MSI2: variants seen among roughly 807,000 people sequenced by gnomAD.
MSI2 encodes RNA-binding protein Musashi homolog 2.
In MSI2, 17 loss-of-function variants were observed where a neutral mutation model predicts 45.6. That is an observed-to-expected ratio of 0.37 (90% confidence interval 0.26 to 0.56). The LOEUF (loss-of-function observed/expected upper bound fraction) is 0.56. MSI2 is among the 20% of genes least tolerant of loss of function. The pLI, the probability that MSI2 is intolerant of heterozygous loss-of-function variation, is 0.77. For missense variants in MSI2, 293 were observed against 444.2 expected (o/e 0.66, Z 3.06); for synonymous variants, 156 against 158.2 (o/e 0.99, Z 0.11).
intron 7 of MSI2, among the ~76,000 whole-genome samples, chr17:57,548,345 C>A (rs1240889770): frequency 6.6e-6 from 1 of 151,956 alleles, no homozygotes. Context: ...AAAAAAAAAT[C>A]AGATTTGTGT....
At chr17:57,432,768 C>T (rs1163906542) in intron 6 of MSI2, among the ~76,000 whole-genome samples, 3 of 152,210 alleles carry the variant, frequency 2.0e-5, no homozygotes, top group African/African-American at 7.2e-5. Context: ...TCTGACAGCT[C>T]TTCCTGACTC....
intron 6 of MSI2, among the ~76,000 whole-genome samples, chr17:57,404,449 TC>T (rs1438861902): frequency 6.6e-6 from 1 of 152,164 alleles, no homozygotes; most frequent in Non-Finnish European, 1.5e-5. Context: ...ATTGGTATCC[TC>T]CAGTCTATTT....
chr17:57,460,581 G>A (rs981429230), intron 6 of MSI2, among the ~76,000 whole-genome samples: 1 of 152,144 alleles, frequency 6.6e-6, no homozygotes, highest in Admixed American at 6.5e-5. Context: ...TTCACCTGGG[G>A]AGAGTACTAA....
At chr17:57,336,397 C>T (rs1204334695) in intron 5 of MSI2, among the ~76,000 whole-genome samples, 2 of 152,150 alleles carry the variant, frequency 1.3e-5, no homozygotes, top group South Asian at 2.1e-4. Flanking sequence ...TTCTCTTACT[C>T]GTTTTCTTTG....
chr17:57,652,537 C>T lies in MSI2; in HGVS notation c.790+376C>T, dbSNP rs1266990452. On this transcript the variant is annotated intron_variant, in intron 11 of 13. Transcript: ENST00000284073. The surrounding 1 kb of genome is among the most constrained non-coding windows in gnomAD (Gnocchi z 4.1). ...TTCAACAGGCTCCCTTCCTTGGGTC[C>T]CTGAGCCAGCCAGAGAAGTGCTAGG... Among the ~76,000 whole-genome samples, 1 of 152,204 alleles carries T rather than the reference C, an allele frequency of 6.6e-6. No individual in the cohort carries two copies. Among genetic ancestry groups the T allele is most frequent in the Non-Finnish European group, 1.5e-5 (1 of 68,038 alleles).
intron 5 of MSI2, among the ~76,000 whole-genome samples, chr17:57,372,077 G>GT (rs1164796137): frequency 6.6e-6 from 1 of 151,960 alleles, no homozygotes; most frequent in Non-Finnish European, 1.5e-5. Context: ...AAAAATTACT[G>GT]TTTTTGTAAA....
intron 5 of MSI2, among the ~76,000 whole-genome samples, chr17:57,388,837 A>G (rs1254145010): frequency 6.6e-6 from 1 of 151,708 alleles, no homozygotes; most frequent in Non-Finnish European, 1.5e-5. Flanking sequence ...TATTTTTAGT[A>G]GAAGTGGAGT....
chr17:57,622,804 GT>G (rs1393877825), intron 9 of MSI2, among the ~76,000 whole-genome samples: 1 of 152,196 alleles, frequency 6.6e-6, no homozygotes, highest in Non-Finnish European at 1.5e-5. Context: ...AAAAATATCT[GT>G]TTAGGTTATT....
At chr17:57,419,191 T>C (rs963447009) in intron 6 of MSI2, among the ~76,000 whole-genome samples, 3 of 151,936 alleles carry the variant, frequency 2.0e-5, no homozygotes, top group Non-Finnish European at 4.4e-5. Flanking sequence ...TTTTCTTTTT[T>C]TTTTTTTTTA....
intron 6 of MSI2, among the ~76,000 whole-genome samples, chr17:57,458,745 C>A (rs1437492749): frequency 1.3e-5 from 2 of 152,198 alleles, no homozygotes; most frequent in Non-Finnish European, 2.9e-5. Context: ...CTCTTAATTG[C>A]TACTGATACC....
intron 5 of MSI2, among the ~76,000 whole-genome samples, chr17:57,366,615 C>G (rs1296604466): frequency 1.2e-4 from 18 of 152,212 alleles, no homozygotes; most frequent in Admixed American, 9.8e-4. Context: ...TGTCTTTGCT[C>G]CCTACGGGTT....
intron 5 of MSI2, among the ~76,000 whole-genome samples, chr17:57,396,809 G>A (rs1277788545): frequency 1.3e-5 from 2 of 152,116 alleles, no homozygotes; most frequent in African/African-American, 4.8e-5. Context: ...GCGCACACAC[G>A]CACACATGCA....
intron 6 of MSI2, among the ~76,000 whole-genome samples, chr17:57,447,559 T>A (rs1013597563): frequency 3.3e-5 from 5 of 151,734 alleles, no homozygotes; most frequent in African/African-American, 1.2e-4. Context: ...AAGCCCTGGG[T>A]TGGATGATAA....
At chr17:57,327,892 G>A (rs928251775) in intron 5 of MSI2, among the ~76,000 whole-genome samples, 10 of 152,226 alleles carry the variant, frequency 6.6e-5, no homozygotes, top group South Asian at 2.1e-4. Context: ...AGGCAGGCCC[G>A]TAAATCTGGT....
the MSI2 span, among the ~76,000 whole-genome samples, chr17:57,699,282 A>G: frequency 6.7e-6 from 1 of 149,836 alleles, no homozygotes; most frequent in African/African-American, 2.5e-5. Flanking sequence ...CCAGGGAGAG[A>G]GAGAGAGAGA....
At chr17:57,356,094 C>G (rs547463390) in intron 5 of MSI2, among the ~76,000 whole-genome samples, 4 of 152,072 alleles carry the variant, frequency 2.6e-5, no homozygotes, top group Non-Finnish European at 5.9e-5. Flanking sequence ...AGGCTGGTCC[C>G]GAACTCCTGA....
chr17:57,284,972 A>G (rs16958190), intron 5 of MSI2, among the ~76,000 whole-genome samples: 3,986 of 151,556 alleles, frequency 0.026, 190 homozygotes, highest in African/African-American at 0.09. Context: ...AGCAGTGATC[A>G]GTTTTTGGAT....
chr17:57,648,857 G>A (rs568283341), intron 10 of MSI2, among the ~76,000 whole-genome samples: 2 of 152,246 alleles, frequency 1.3e-5, no homozygotes, highest in South Asian at 2.1e-4. Flanking sequence ...AGATGACCCC[G>A]GCCTCCTCAG....
At chr17:57,538,215 A>C (rs4793867) in intron 7 of MSI2, among the ~76,000 whole-genome samples, 16,992 of 152,084 alleles carry the variant, frequency 0.11, 1,190 homozygotes, top group Non-Finnish European at 0.17. Context: ...GCATCACGGC[A>C]CTGCCAGTGG....
Sources: gnomAD v4.1 joint callset for allele counts (sites outside exome capture counted in the v4.1 genomes callset) on GRCh38, gnomAD v4.1.1 for gene constraint, Gnocchi (gnomAD v3.1) non-coding constraint, MANE v1.5 for transcripts, NCBI Gene and HGNC (gene_info 2026-07-23, HGNC 2026-07-21) for gene names.